The following MAGEA8 variants were observed in gnomAD, a reference collection of about 807,000 sequenced individuals.
The protein encoded by MAGEA8 is MAGE family member A8.
For synonymous variants in MAGEA8, 104 were observed against 102.6 expected (o/e 1.01, Z -0.08); for missense variants, 229 against 251.1 (o/e 0.91, Z 0.59).
rs149643429 is a variant in MAGEA8, at chrX:149,885,121, A to G, written c.849A>G (p.Glu283=). The G allele has an allele frequency of 8.7e-3, 10,575 of 1,210,086 alleles. 52 individuals are homozygous for G. Among genetic ancestry groups the G allele is most frequent in the South Asian group, 0.038 (2,180 of 56,813 alleles). ...EFLWGPRALA[E]TSYVKVLEHV... ...TGTGGGGTCCAAGGGCCCTTGCTGA[A>G]ACCAGCTATGTGAAAGTCCTGGAGC... The change falls in exon 3 of 3, where the codon GAA becomes GAG. Residue 283 remains glutamate, a synonymous_variant. Transcript: ENST00000286482.
intron 1 of MAGEA8, among the ~76,000 whole-genome samples, chrX:149,882,228 A>AG (rs782220978): frequency 9.0e-6 from 1 of 110,906 alleles, no homozygotes; most frequent in South Asian, 3.9e-4. Flanking sequence ...ACTTTCTGGT[A>AG]GGGGGCCTCA....
chrX:149,884,058 C>G lies in MAGEA8; in HGVS notation c.-125-15C>G. On this transcript the variant is annotated splice_polypyrimidine_tract_variant and intron_variant, in intron 1 of 2. Transcript: ENST00000286482. ...GAGGCTGCACCCTGAGATGCCCTCT[C>G]AATTTCTCCTTCAGGTTCGCAGAGA... is the stretch of plus-strand genomic sequence containing the variant. 1 of 395,545 alleles carries G rather than the reference C, an allele frequency of 2.5e-6. No homozygotes were observed. Among genetic ancestry groups the G allele is most frequent in the Non-Finnish European group, 4.4e-6 (1 of 228,954 alleles). 32.6% of individuals were successfully genotyped at this position (395,545 alleles called of 1,213,427 possible).
At position 149,885,659 on chromosome X, in the gene MAGEA8, T is replaced by G. The variant is rs2090758357; in HGVS notation, c.*430T>G. The G allele has an allele frequency of 4.2e-6, 1 of 236,953 alleles. No individual in the cohort carries two copies. Among genetic ancestry groups the G allele is most frequent in the African/African-American group, 2.8e-5 (1 of 35,555 alleles). 19.5% of individuals were successfully genotyped at this position (236,953 alleles called of 1,213,427 possible). On this transcript the variant is annotated 3_prime_UTR_variant, in exon 3 of 3. Coordinates refer to ENST00000286482, the MANE Select transcript of MAGEA8 (RefSeq NM_005364.5). ...CACTACAAGAGCAGAGGATTAAGGTTTTTTTAGAAATGTGAAACAACATAG... is the reference window on the plus strand; with the variant it reads ...CACTACAAGAGCAGAGGATTAAGGTGTTTTTAGAAATGTGAAACAACATAG...
chrX:149,882,218 A>G (rs1338247850), intron 1 of MAGEA8, among the ~76,000 whole-genome samples: 1 of 110,194 alleles, frequency 9.1e-6, no homozygotes, highest in Admixed American at 9.5e-5. Context: ...TGGCCCCCCC[A>G]CTTTCTGGTA....
chrX:149,884,468 G>C lies in MAGEA8; in HGVS notation c.196G>C (p.Glu66Gln). ...SGSPSPPQSPEGASSSLTVTD... is the reference protein window; with the variant it reads ...SGSPSPPQSPQGASSSLTVTD... ...GTCACCAAGTCCTCCCCAGAGTCCTGAGGGTGCCTCCTCTTCCCTGACTGT... is the reference window on the plus strand; with the variant it reads ...GTCACCAAGTCCTCCCCAGAGTCCTCAGGGTGCCTCCTCTTCCCTGACTGT... Residue 66 changes from glutamate (E) to glutamine (Q), a missense_variant, in exon 3 of 3, where the codon GAG (glutamate) becomes CAG (glutamine). By Grantham distance (29) the Glu-to-Gln change is conservative. Coordinates refer to ENST00000286482, the MANE Select transcript of MAGEA8 (RefSeq NM_005364.5). 8.3e-7 allele frequency: 1 copy of C among 1,211,564 alleles called. No individual in the cohort carries two copies. Among genetic ancestry groups the C allele is most frequent in the Non-Finnish European group, 1.1e-6 (1 of 895,345 alleles).
At position 149,884,128 on chromosome X, in the gene MAGEA8, A is replaced by G. The variant is rs1275639769; in HGVS notation, c.-70A>G. On this transcript the variant is annotated 5_prime_UTR_variant, in exon 2 of 3. Coordinates refer to ENST00000286482, the MANE Select transcript of MAGEA8 (RefSeq NM_005364.5). ...AGGAGGCCCCAGAGAAGCACTGAAGAAGACCTGTAAGTAGACCTTTGTTAG... is the reference window on the plus strand; with the variant it reads ...AGGAGGCCCCAGAGAAGCACTGAAGGAGACCTGTAAGTAGACCTTTGTTAG... 2.1e-6 allele frequency: 1 copy of G among 473,784 alleles called. No individual in the cohort carries two copies. The highest frequency in any genetic ancestry group is 3.7e-6 in the Non-Finnish European group (1 of 272,109). 39.0% of individuals were successfully genotyped at this position (473,784 alleles called of 1,213,427 possible). A position where few individuals can be genotyped will look rare whatever the true frequency, so the allele number is the denominator to read the frequency against.
Position 149,885,067 on chromosome X carries a change from C to T in MAGEA8, c.795C>T (p.Pro265=), listed in dbSNP as rs45617038. 85 of 1,209,460 alleles carry T rather than the reference C, an allele frequency of 7.0e-5. No individual in the cohort carries two copies. The highest frequency in any genetic ancestry group is 2.3e-4 in the Middle Eastern group (1 of 4,368). ...QENYLEYRQA[P]GSDPVRYEFL... ...ACTACCTGGAGTACCGCCAGGCGCC[C>T]GGCAGTGATCCTGTGCGCTACGAGT... The change falls in exon 3 of 3, where the codon CCC becomes CCT. Residue 265 remains proline (P), a synonymous_variant. Transcript: ENST00000286482.
rs1386946683 is a variant in MAGEA8 at position 149,884,750 on chromosome X, T to G, written c.478T>G (p.Cys160Gly). The G allele has an allele frequency of 8.3e-7, 1 of 1,209,280 alleles. No individual in the cohort carries two copies. Among genetic ancestry groups the G allele is most frequent in the Non-Finnish European group, 1.1e-6 (1 of 894,520 alleles). Reference protein sequence around the residue: ...FPDIFSKASECMQVIFGIDVK... With the variant: ...FPDIFSKASEGMQVIFGIDVK... ...TGATATCTTCAGCAAAGCCTCTGAG[T>G]GCATGCAGGTGATCTTTGGCATTGA... The change falls in exon 3 of 3, where the codon TGC becomes GGC. Residue 160 changes from cysteine (C) to glycine (G), a missense_variant. By Grantham distance (159) the Cys-to-Gly change is radical. Coordinates refer to ENST00000286482, the MANE Select transcript of MAGEA8 (RefSeq NM_005364.5).
rs914370121 is a variant in MAGEA8 at position 149,885,537 on chromosome X, T to G, written c.*308T>G. ...TGAACTTCAACATTCATTTTATGTA[T>G]GACAGTAGACAGACTTACTGCTTTT... On this transcript the variant is annotated 3_prime_UTR_variant, in exon 3 of 3. Coordinates refer to ENST00000286482, the MANE Select transcript of MAGEA8 (RefSeq NM_005364.5). 2 of 331,470 alleles carry G rather than the reference T, an allele frequency of 6.0e-6. No individual in the cohort carries two copies. Among genetic ancestry groups the G allele is most frequent in the African/African-American group, 2.6e-5 (1 of 37,822 alleles). 27.3% of individuals were successfully genotyped at this position (331,470 alleles called of 1,213,427 possible). A position where few individuals can be genotyped will look rare whatever the true frequency, so the allele number is the denominator to read the frequency against.
intron 1 of MAGEA8, among the ~76,000 whole-genome samples, chrX:149,881,972 G>A (rs953188714): frequency 1.3e-4 from 14 of 110,681 alleles, no homozygotes; most frequent in Non-Finnish European, 2.5e-4. Context: ...CCAGATCAGT[G>A]GAGATCTCAG....
At chrX:149,883,944 A>C in intron 1 of MAGEA8, 129 bp from the exon 2 acceptor site, 1 of 229,348 alleles carries the variant, frequency 4.4e-6, no homozygotes, top group Non-Finnish European at 7.9e-6. Context: ...TGTATACCAG[A>C]GGCCCCTCTG....
chrX:149,884,960 G>A lies in MAGEA8; in HGVS notation c.688G>A (p.Val230Met). The A allele has an allele frequency of 8.3e-7, 1 of 1,210,547 alleles. No homozygotes were observed. Among genetic ancestry groups the A allele is most frequent in the Non-Finnish European group, 1.1e-6 (1 of 894,820 alleles). Reference protein sequence around the residue: ...PEEAIWEALSVMGLYDGREHS... With the variant: ...PEEAIWEALSMMGLYDGREHS... ...GGAGGCAATCTGGGAAGCGTTGAGT[G>A]TGATGGGGCTGTATGATGGGAGGGA... The change falls in exon 3 of 3, where the codon GTG (valine) becomes ATG (methionine). Residue 230 changes from valine (V) to methionine (M), a missense_variant. Transcript: ENST00000286482.
chrX:149,884,192 C>T lies in MAGEA8; in HGVS notation c.-63-18C>T, dbSNP rs782269748. 35 of 779,080 alleles carry T rather than the reference C, an allele frequency of 4.5e-5. No individual in the cohort carries two copies. The highest frequency in any genetic ancestry group is 2.5e-4 in the South Asian group (10 of 40,414). 64.2% of individuals were successfully genotyped at this position (779,080 alleles called of 1,213,427 possible). On this transcript the variant is annotated intron_variant, in intron 2 of 2. Transcript: ENST00000286482. ...TAGTACCCAGCTGAGGCCTCTCACA[C>T]GCTTCCTCTCTCCCCAGGCCTGTGG...
At chrX:149,882,293 G>A (rs1473812486) in intron 1 of MAGEA8, among the ~76,000 whole-genome samples, 2 of 111,500 alleles carry the variant, frequency 1.8e-5, no homozygotes, top group African/African-American at 6.5e-5. Flanking sequence ...AGGAAGGAAA[G>A]GGCCATGCCT....
intron 1 of MAGEA8, chrX:149,883,805 C>T (rs2090744480): frequency 8.6e-6 from 1 of 116,125 alleles, no homozygotes; most frequent in South Asian, 3.5e-4. Flanking sequence ...CTGAGTTCCC[C>T]TCGATTTATC....
At position 149,884,798 on chromosome X, in the gene MAGEA8, G is replaced by A. The variant is rs782079323; in HGVS notation, c.526G>A (p.Gly176Ser). 7 of 1,209,376 alleles carry A rather than the reference G, an allele frequency of 5.8e-6. No homozygotes were observed. Among genetic ancestry groups the A allele is most frequent in the African/African-American group, 3.5e-5 (2 of 57,160 alleles). The change falls in exon 3 of 3, where the codon GGC becomes AGC. Residue 176 changes from glycine to serine, a missense_variant. Physicochemically the swap from Gly to Ser is moderately conservative, Grantham distance 56. Transcript: ENST00000286482. ...GIDVKEVDPA[G>S]HSYILVTCLG... ...TGATGTGAAGGAAGTGGACCCTGCC[G>A]GCCACTCCTACATCCTTGTCACCTG...
At chrX:149,883,660 C>A (rs1173165741) in intron 1 of MAGEA8, among the ~76,000 whole-genome samples, 1 of 111,889 alleles carries the variant, frequency 8.9e-6, no homozygotes, top group Non-Finnish European at 1.9e-5. Context: ...CAGATCCAGG[C>A]CCTGCCAGGA....
rs5983915 is a variant in MAGEA8, at chrX:149,884,869, G to A, written c.597G>A (p.Thr199=). 6,674 of 1,208,838 alleles carry A rather than the reference G, an allele frequency of 5.5e-3. 241 individuals are homozygous for A. In the African/African-American group the frequency reaches 0.1, roughly 18 times the overall value. The change falls in exon 3 of 3, where the codon ACG becomes ACA. Residue 199 remains threonine, a synonymous_variant. Transcript: ENST00000286482. ...GCCTGCTGGGTGATGATCAGAGTACGCCCAAGACCGGCCTCCTGATAATCG... is the reference window on the plus strand; with the variant it reads ...GCCTGCTGGGTGATGATCAGAGTACACCCAAGACCGGCCTCCTGATAATCG... ...YDGLLGDDQS[T]PKTGLLIIVL... is the part of the protein sequence containing the mutation.
chrX:149,881,629 C>T (rs2090729521), intron 1 of MAGEA8, among the ~76,000 whole-genome samples: 1 of 103,747 alleles, frequency 9.6e-6, no homozygotes, highest in African/African-American at 3.4e-5. Flanking sequence ...GCATGGCGGC[C>T]GGGCATGGCG....
Sources: gnomAD v4.1 joint callset for allele counts (sites outside exome capture counted in the v4.1 genomes callset) on GRCh38, gnomAD v4.1.1 for gene constraint, MANE v1.5 for transcripts, NCBI Gene and HGNC (gene_info 2026-07-23, HGNC 2026-07-21) for gene names.